XPO4: variants seen among roughly 807,000 people sequenced by gnomAD.
The protein encoded by XPO4 is exportin 4.
A neutral mutation model predicts 143.0 loss-of-function variants in XPO4; 39 were observed. That is an observed-to-expected ratio of 0.27 (90% CI 0.21 to 0.36). The LOEUF is 0.36. Among genes scored for constraint, XPO4 ranks in the 10% least tolerant of loss-of-function variants. The pLI is 1.00. For missense variants in XPO4, 907 were observed against 1,348.0 expected (o/e 0.67, Z 5.12); for synonymous variants, 439 against 474.0 (o/e 0.93, Z 0.96).
chr13:20,818,709 C>A (rs1270500574), intron 9 of XPO4, among the ~76,000 whole-genome samples: 1 of 152,148 alleles, frequency 6.6e-6, no homozygotes, highest in South Asian at 2.1e-4. Context: ...GGTAAGAGTG[C>A]ACACAGGTTT....
At chr13:20,857,939 G>A (rs1037229614) in intron 3 of XPO4, 3 of 985,020 alleles carry the variant, frequency 3.0e-6, no homozygotes, top group Non-Finnish European at 3.6e-6. Flanking sequence ...TTCTGTGCAT[G>A]TAATGGGAAG....
intron 2 of XPO4, chr13:20,866,170 CTGAAG>C: frequency 1.0e-6 from 1 of 985,262 alleles, no homozygotes; most frequent in African/African-American, 1.7e-5. Context: ...CCAAAGACTT[CTGAAG>C]TGAAGAAGTC....
At position 20,902,653 on chromosome 13, in the gene XPO4, G is replaced by T; in HGVS notation, c.69+17C>A. On this transcript the variant is annotated intron_variant, in intron 1 of 22. Coordinates refer to ENST00000255305, the MANE Select transcript of XPO4 (RefSeq NM_022459.5). ...GGGCCCGCGAATCCCGGGGTCTGAGGGGCGCGGCGTCCTCACCATCAGAAC... is the reference window on the plus strand; with the variant it reads ...GGGCCCGCGAATCCCGGGGTCTGAGTGGCGCGGCGTCCTCACCATCAGAAC... The T allele has an allele frequency of 6.4e-7, 1 of 1,560,814 alleles. No individual in the cohort carries two copies. The highest frequency in any genetic ancestry group is 2.5e-5 in the East Asian group (1 of 39,954).
intron 1 of XPO4, among the ~76,000 whole-genome samples, chr13:20,871,609 C>T (rs1056202802): frequency 6.6e-6 from 1 of 152,200 alleles, no homozygotes; most frequent in Non-Finnish European, 1.5e-5. Context: ...GTAAACGATA[C>T]TACCCATGTT....
rs1325679714 is a variant in XPO4 at position 20,780,974 on chromosome 13, T to A, written c.*2748A>T. The A allele has an allele frequency of 6.6e-6, 1 of 151,982 alleles. No individual in the cohort carries two copies. Among genetic ancestry groups the A allele is most frequent in the Non-Finnish European group, 1.5e-5 (1 of 67,982 alleles). The allele number at this position is 151,982 out of a possible 1,614,324, so 9.4% of individuals were successfully genotyped here. ...GATTGTGCCTTGGGAAATAAATGGG[T>A]CAAGGAAAATAAAATGAGAAACAAA... On this transcript the variant is annotated 3_prime_UTR_variant, in exon 23 of 23. Coordinates refer to ENST00000255305, the MANE Select transcript of XPO4 (RefSeq NM_022459.5).
intron 4 of XPO4, among the ~76,000 whole-genome samples, chr13:20,844,366 T>C (rs2060009091): frequency 6.6e-6 from 1 of 152,166 alleles, no homozygotes; most frequent in Non-Finnish European, 1.5e-5. Context: ...AAACAGATTT[T>C]ATAGTGTCCA....
In XPO4 at chr13:20,862,845, C is replaced by T; in HGVS notation, c.189G>A (p.Val63=). The part of the protein sequence containing the change: ...VCKHILETSK[V]DYVLFQAATA... Reference sequence around the variant, plus strand: ...TGGCAGCTTGAAAGAGGACATAGTCCACTTTACTAGTTTCTGAGGAGAAAA... The same window carrying T: ...TGGCAGCTTGAAAGAGGACATAGTCTACTTTACTAGTTTCTGAGGAGAAAA... The change falls in exon 3 of 23, where the codon GTG becomes GTA. Residue 63 remains valine, a synonymous_variant. Coordinates refer to ENST00000255305, the MANE Select transcript of XPO4 (RefSeq NM_022459.5). 6.2e-7 allele frequency: 1 copy of T among 1,613,952 alleles called. No individual in the cohort carries two copies. Among genetic ancestry groups the T allele is most frequent in the Non-Finnish European group, 8.5e-7 (1 of 1,179,916 alleles).
intron 1 of XPO4, among the ~76,000 whole-genome samples, chr13:20,883,102 C>A (rs374067316): frequency 1.3e-5 from 2 of 152,232 alleles, no homozygotes; most frequent in African/African-American, 2.4e-5. Context: ...TCCCGCCCTG[C>A]CCTTGCAGGC....
At chr13:20,852,570 T>C (rs2060099582) in intron 4 of XPO4, 1 of 983,394 alleles carries the variant, frequency 1.0e-6, no homozygotes, top group South Asian at 4.7e-5. Flanking sequence ...GAACAAATCT[T>C]ATAATATTTG....
chr13:20,848,700 C>T (rs1165765147), intron 4 of XPO4: 2 of 985,140 alleles, frequency 2.0e-6, no homozygotes, highest in East Asian at 1.1e-4. Context: ...TCAGTAAATG[C>T]TGTTTGGATT....
intron 4 of XPO4, chr13:20,851,004 G>T: frequency 1.0e-6 from 1 of 985,156 alleles, no homozygotes; most frequent in Non-Finnish European, 1.2e-6. Flanking sequence ...CCTTTATAAA[G>T]AAAGTTTATA....
In XPO4 at chr13:20,807,063, C is replaced by T. The variant is rs183972285; in HGVS notation, c.1817+394G>A. ...CTATCATTTTCCATGAGAAAGCCAC[C>T]GAAACGTAGTTTTAGCTTTTATGAA... On this transcript the variant is annotated intron_variant, in intron 13 of 22. Transcript: ENST00000255305. 1.3e-3 allele frequency among the ~76,000 whole-genome samples: 200 copies of T among 152,120 alleles called. 1 individual carries two copies. Among genetic ancestry groups the T allele is most frequent in the Non-Finnish European group, 2.3e-3 (159 of 67,992 alleles).
chr13:20,851,595 G>T, intron 4 of XPO4: 1 of 472,366 alleles, frequency 2.1e-6, no homozygotes. Flanking sequence ...TGTAGTCCCA[G>T]CTACTCAGGA....
At chr13:20,834,599 T>G (rs1430976478) in intron 6 of XPO4, among the ~76,000 whole-genome samples, 2 of 151,828 alleles carry the variant, frequency 1.3e-5, no homozygotes, top group Non-Finnish European at 2.9e-5. Context: ...TAGAATAAAT[T>G]TAATAATCTT....
intron 6 of XPO4, among the ~76,000 whole-genome samples, chr13:20,842,524 C>CA (rs1403834268): frequency 6.6e-6 from 1 of 152,024 alleles, no homozygotes; most frequent in African/African-American, 2.4e-5. Flanking sequence ...TTAAGTCAGT[C>CA]AAAAAAATCA....
intron 1 of XPO4, among the ~76,000 whole-genome samples, chr13:20,895,014 C>A (rs2060554850): frequency 6.6e-6 from 1 of 151,920 alleles, no homozygotes; most frequent in African/African-American, 2.4e-5. Flanking sequence ...ACTGTCTCTA[C>A]TAAAAACACC....
intron 3 of XPO4, among the ~76,000 whole-genome samples, chr13:20,861,487 G>A (rs1232531090): frequency 6.6e-6 from 1 of 151,648 alleles, no homozygotes; most frequent in Non-Finnish European, 1.5e-5. Flanking sequence ...GTAGAGATGG[G>A]GTTTCACCAT....
chr13:20,854,077 G>A (rs2060116998), intron 4 of XPO4, among the ~76,000 whole-genome samples: 3 of 152,122 alleles, frequency 2.0e-5, no homozygotes, highest in Admixed American at 2.0e-4. Flanking sequence ...GACAGACATA[G>A]TAATGCATGT....
intron 1 of XPO4, among the ~76,000 whole-genome samples, chr13:20,888,895 C>T (rs577970664): frequency 1.6e-4 from 25 of 152,190 alleles, no homozygotes; most frequent in Middle Eastern, 3.4e-3. Flanking sequence ...CTCCACCTCC[C>T]GGGTTCAAGT....
Sources: gnomAD v4.1 joint callset for allele counts (sites outside exome capture counted in the v4.1 genomes callset) on GRCh38, gnomAD v4.1.1 for gene constraint, MANE v1.5 for transcripts, NCBI Gene and HGNC (gene_info 2026-07-23, HGNC 2026-07-21) for gene names.